Variants in CCDC102B observed in about 807,000 individuals in gnomAD.
The protein encoded by CCDC102B is coiled-coil domain containing 102B.
CCDC102B carries 75 observed loss-of-function variants against 57.4 expected under a neutral mutation model. That is an observed-to-expected ratio of 1.31 (90% confidence interval 1.08 to 1.58). CCDC102B has a LOEUF of 1.58. CCDC102B is among the 40% of genes most tolerant of loss of function. The pLI is 0.00. For missense variants in CCDC102B, 636 were observed against 582.6 expected (o/e 1.09, Z -0.94); for synonymous variants, 206 against 201.9 (o/e 1.02, Z -0.17).
intron 1 of CCDC102B, among the ~76,000 whole-genome samples, chr18:68,820,047 A>G (rs1186376914): frequency 6.6e-6 from 1 of 152,086 alleles, no homozygotes; most frequent in Non-Finnish European, 1.5e-5. Flanking sequence ...ACTTCTATTT[A>G]ATTTCCTTTC....
chr18:68,897,680 GAAGT>G, intron 6 of CCDC102B: 16 of 1,371,432 alleles, frequency 1.2e-5, no homozygotes, highest in South Asian at 9.8e-5. Context: ...GAAGAAAAAT[GAAGT>G]AAGAAATAGA....
chr18:68,842,579 C>T (rs1343909244), intron 3 of CCDC102B, among the ~76,000 whole-genome samples: 3 of 152,050 alleles, frequency 2.0e-5, no homozygotes, highest in Admixed American at 6.6e-5. Flanking sequence ...AAGCCAATAC[C>T]GCAAGGCAAT....
chr18:69,042,615 C>G (rs990475048), intron 7 of CCDC102B, among the ~76,000 whole-genome samples: 1 of 151,956 alleles, frequency 6.6e-6, no homozygotes, highest in African/African-American at 2.4e-5. Context: ...CGTGAATTCC[C>G]TTAAGAAGTG....
At chr18:68,779,552 T>A (rs2034936859) in intron 2 of CCDC102B, among the ~76,000 whole-genome samples, 1 of 118,462 alleles carries the variant, frequency 8.4e-6, no homozygotes, top group African/African-American at 2.7e-5. Context: ...AGCACAACAA[T>A]ACGTCATTAT....
intron 7 of CCDC102B, among the ~76,000 whole-genome samples, chr18:69,035,019 T>C (rs1332913348): frequency 6.6e-6 from 1 of 151,992 alleles, no homozygotes; most frequent in African/African-American, 2.4e-5. Context: ...TACTCAATTA[T>C]ACTAATTTAT....
intron 2 of CCDC102B, among the ~76,000 whole-genome samples, chr18:68,717,236 A>G (rs980883945): frequency 6.6e-6 from 1 of 152,168 alleles, no homozygotes; most frequent in Non-Finnish European, 1.5e-5. Context: ...GAGCAAGACC[A>G]TGTCTCTATA....
chr18:68,944,490 G>A (rs1275354546), intron 6 of CCDC102B, among the ~76,000 whole-genome samples: 4 of 150,796 alleles, frequency 2.7e-5, no homozygotes, highest in African/African-American at 9.7e-5. Flanking sequence ...TTGGCAGATG[G>A]GTATCTTCTT....
Position 68,832,614 on chromosome 18 carries a change from C to T in CCDC102B, c.-15-4135C>T, listed in dbSNP as rs148400045. ...GGATGAGGAAGGGGTTTTACTACCC[C>T]AGTCAGAAACAGAAACTAAGAACCC... On this transcript the variant is annotated intron_variant, in intron 1 of 7. Coordinates refer to ENST00000360242, the MANE Select transcript of CCDC102B (RefSeq NM_024781.3). Among the ~76,000 whole-genome samples, 522 of 152,106 alleles carry T rather than the reference C, an allele frequency of 3.4e-3. 2 individuals are homozygous for T. Among genetic ancestry groups the T allele is most frequent in the Non-Finnish European group, 4.8e-3 (325 of 68,000 alleles).
At chr18:68,754,037 G>A (rs1789404671) in intron 2 of CCDC102B, 1 of 151,954 alleles carries the variant, frequency 6.6e-6, no homozygotes, top group African/African-American at 2.4e-5. Context: ...CTTCTTCAAA[G>A]CCTTTTGATT....
intron 2 of CCDC102B, among the ~76,000 whole-genome samples, chr18:68,769,026 G>T (rs896762090): frequency 6.6e-5 from 10 of 152,092 alleles, no homozygotes; most frequent in South Asian, 6.2e-4. Flanking sequence ...GGCCGAGGCA[G>T]GTGGATCACC....
At chr18:68,858,787 A>G (rs1230346055) in intron 4 of CCDC102B, 1 of 152,200 alleles carries the variant, frequency 6.6e-6, no homozygotes, top group Non-Finnish European at 1.5e-5. Context: ...TGTAATACAT[A>G]CATTTTAAGG....
chr18:68,890,399 C>G (rs575484372), intron 5 of CCDC102B, among the ~76,000 whole-genome samples: 2 of 152,188 alleles, frequency 1.3e-5, no homozygotes, highest in African/African-American at 4.8e-5. Context: ...CCACGCCTGA[C>G]TAAATTTTGT....
chr18:68,764,318 CTTTGAATG>C, intron 2 of CCDC102B, among the ~76,000 whole-genome samples: 1 of 152,140 alleles, frequency 6.6e-6, no homozygotes, highest in Non-Finnish European at 1.5e-5. Flanking sequence ...ACTCACAGTT[CTTTGAATG>C]TATTATTCCA....
chr18:68,787,715 CTCTT>C lies in CCDC102B; in HGVS notation c.-66-35649_-66-35646del, dbSNP rs879303224. On this transcript the variant is annotated intron_variant, in intron 2 of 3. Transcript: ENST00000578970. ...TTTATTGCGTCTATTTGATTCTTCT[CTCTT>C]TTTTTCTTTATTAGTCTTGCTAGCG... 2.2e-3 allele frequency among the ~76,000 whole-genome samples: 325 copies of C among 147,930 alleles called. 2 individuals carry two copies. Among genetic ancestry groups the C allele is most frequent in the African/African-American group, 7.6e-3 (306 of 40,358 alleles).
intron 2 of CCDC102B, among the ~76,000 whole-genome samples, chr18:68,783,582 T>C (rs1378157135): frequency 6.6e-6 from 1 of 152,170 alleles, no homozygotes; most frequent in Non-Finnish European, 1.5e-5. Context: ...TTCTACCAGA[T>C]ACTTTGGGAA....
chr18:68,796,020 G>A (rs1267868514), upstream of CCDC102B, among the ~76,000 whole-genome samples: 1 of 152,150 alleles, frequency 6.6e-6, no homozygotes, highest in Non-Finnish European at 1.5e-5. Flanking sequence ...GCCAAGAAAA[G>A]CCAATGTATT....
chr18:69,028,242 T>C (rs1354674489), intron 7 of CCDC102B, among the ~76,000 whole-genome samples: 3 of 152,150 alleles, frequency 2.0e-5, no homozygotes, highest in Admixed American at 6.5e-5. Context: ...ACTTTAGCTT[T>C]TAGCCAGGGC....
At chr18:68,781,101 G>GT (rs1772584263) in intron 2 of CCDC102B, among the ~76,000 whole-genome samples, 1 of 151,932 alleles carries the variant, frequency 6.6e-6, no homozygotes, top group South Asian at 2.1e-4. Flanking sequence ...ATTGTTGTTA[G>GT]TAACAACATC....
rs1449383263 is a variant in CCDC102B, at chr18:68,738,283, G to C, written c.-67+21689G>C. On this transcript the variant is annotated intron_variant, in intron 2 of 3. Coordinates refer to the CCDC102B transcript ENST00000578970. ...TATGTGAGCAGAGTAGACATTCTTT[G>C]CTACAGAAATATGTAGCAAAGAATA... 2.6e-5 allele frequency among the ~76,000 whole-genome samples: 4 copies of C among 152,056 alleles called. No homozygotes were observed. The East Asian group carries it at 7.7e-4, about 29-fold the overall frequency.
Sources: allele counts gnomAD v4.1 joint callset (sites outside exome capture counted in the v4.1 genomes callset), GRCh38; gene constraint gnomAD v4.1.1; transcripts MANE v1.5; gene names NCBI Gene and HGNC (gene_info 2026-07-23, HGNC 2026-07-21).